MAPK10: variants seen among roughly 807,000 people sequenced by gnomAD.
MAPK10 encodes the protein mitogen-activated protein kinase 10.
In MAPK10, 25 loss-of-function variants were observed where a neutral mutation model predicts 59.3. That is an observed-to-expected ratio of 0.42 (90% CI 0.31 to 0.59). The LOEUF (loss-of-function observed/expected upper bound fraction) is 0.59. Among genes scored for constraint, MAPK10 ranks in the 20% least tolerant of loss-of-function variants. The probability of loss-of-function intolerance (pLI) is 0.15; values close to 1 mark genes in which losing one functional copy is unlikely to be tolerated. For missense variants in MAPK10, 351 were observed against 568.9 expected (o/e 0.62, Z 3.90); for synonymous variants, 190 against 200.5 (o/e 0.95, Z 0.44).
rs755872209 is a variant in MAPK10, at chr4:86,280,160, G to A, written c.-7+74370C>T. On this transcript the variant is annotated intron_variant, in intron 2 of 13. Coordinates refer to ENST00000641462, the MANE Select transcript of MAPK10 (RefSeq NM_138982.4). Reference sequence around the variant, plus strand: ...AGCAGAGCAAAAGAAACTATCAATAGAGTAAACAGACAACTTACAAAATAG... The same window carrying A: ...AGCAGAGCAAAAGAAACTATCAATAAAGTAAACAGACAACTTACAAAATAG... 4.6e-5 allele frequency among the ~76,000 whole-genome samples: 7 copies of A among 152,226 alleles called. No homozygotes were observed. In the South Asian group the frequency reaches 1.4e-3, roughly 32 times the overall value.
intron 1 of MAPK10, among the ~76,000 whole-genome samples, chr4:86,519,331 T>C (rs1433323556): frequency 6.6e-6 from 1 of 152,222 alleles, no homozygotes; most frequent in African/African-American, 2.4e-5. Context: ...GAATGTGATA[T>C]TTTCCTGTTG....
intron 1 of MAPK10, among the ~76,000 whole-genome samples, chr4:86,371,123 A>G (rs1738688844): frequency 6.6e-6 from 1 of 152,264 alleles, no homozygotes; most frequent in Non-Finnish European, 1.5e-5. Context: ...ATTCACTGCT[A>G]AAGTCAGTTC....
intron 1 of MAPK10, among the ~76,000 whole-genome samples, chr4:86,460,622 C>T (rs113430389): frequency 0.012 from 1,835 of 152,302 alleles, 13 homozygotes; most frequent in Non-Finnish European, 0.017. Context: ...ATGGCCATGA[C>T]GCCCACGCTG....
intron 2 of MAPK10, among the ~76,000 whole-genome samples, chr4:86,250,860 C>G (rs2093375692): frequency 6.6e-6 from 1 of 152,156 alleles, no homozygotes; most frequent in Non-Finnish European, 1.5e-5. Flanking sequence ...GACAGATTGA[C>G]TCTAGGAGAA....
At chr4:86,022,322 A>C (rs1289413484) in intron 13 of MAPK10, among the ~76,000 whole-genome samples, 1 of 152,066 alleles carries the variant, frequency 6.6e-6, no homozygotes, top group African/African-American at 2.4e-5. Flanking sequence ...TTGTGGTTTG[A>C]TTTGCATTTG....
chr4:86,028,962 A>T (rs1432668930), intron 13 of MAPK10: 1 of 550,488 alleles, frequency 1.8e-6, no homozygotes, highest in African/African-American at 1.9e-5. Context: ...ATTCATTACT[A>T]TTAAAATTAT....
chr4:86,265,237 G>A (rs1010205418), intron 2 of MAPK10, among the ~76,000 whole-genome samples: 4 of 152,092 alleles, frequency 2.6e-5, no homozygotes, highest in Admixed American at 2.0e-4. Context: ...GATATGGGCC[G>A]GACACAGTGG....
chr4:86,428,607 T>G (rs529411466), intron 1 of MAPK10, among the ~76,000 whole-genome samples: 1 of 152,312 alleles, frequency 6.6e-6, no homozygotes, highest in Non-Finnish European at 1.5e-5. Flanking sequence ...TAGACAACTT[T>G]TCTCATTTTT....
At position 86,013,352 on chromosome 4, in the gene MAPK10, T is replaced by G. The variant is rs918909635; in HGVS notation, c.*3876A>C. The G allele has an allele frequency of 2.6e-5, 4 of 152,112 alleles. No homozygotes were observed. Among genetic ancestry groups the G allele is most frequent in the Non-Finnish European group, 1.5e-5 (1 of 68,018 alleles). 9.4% of individuals were successfully genotyped at this position (152,112 alleles called of 1,614,324 possible). ...TAAAATGTGTGTGGGGGATTGTGAG[T>G]GGGGAGTTGGGTTCCTCTTTGGATG... On this transcript the variant is annotated 3_prime_UTR_variant, in exon 14 of 14. Transcript: ENST00000641462.
intron 1 of MAPK10, among the ~76,000 whole-genome samples, chr4:86,557,407 A>T (rs1243450939): frequency 6.6e-6 from 1 of 151,056 alleles, no homozygotes; most frequent in Non-Finnish European, 1.5e-5. Context: ...AAGACTACTG[A>T]CTGTCACTAA....
chr4:86,074,983 G>C (rs926392805), intron 9 of MAPK10, among the ~76,000 whole-genome samples: 1 of 146,198 alleles, frequency 6.8e-6, no homozygotes, highest in African/African-American at 2.6e-5. Flanking sequence ...ATATCCTGCA[G>C]AGTGTTTTCC....
chr4:86,150,636 C>A (rs1234870130), intron 4 of MAPK10, among the ~76,000 whole-genome samples: 1 of 152,030 alleles, frequency 6.6e-6, no homozygotes, highest in Admixed American at 6.5e-5. Context: ...CCGAGACGGG[C>A]AGATCACGAG....
chr4:86,409,880 G>C (rs189293522), intron 1 of MAPK10, among the ~76,000 whole-genome samples: 2 of 152,230 alleles, frequency 1.3e-5, no homozygotes, highest in South Asian at 2.1e-4. Context: ...TTTCCTAATT[G>C]AATACCTTTA....
chr4:86,088,222 C>G (rs189623058), intron 9 of MAPK10, among the ~76,000 whole-genome samples: 13 of 152,292 alleles, frequency 8.5e-5, no homozygotes, highest in Admixed American at 5.9e-4. Flanking sequence ...CTGTTGCCTA[C>G]CTAGGCTGCA....
intron 3 of MAPK10, among the ~76,000 whole-genome samples, chr4:86,180,189 T>G (rs951629404): frequency 6.6e-6 from 1 of 151,974 alleles, no homozygotes; most frequent in Non-Finnish European, 1.5e-5. Context: ...CAGACATGTC[T>G]CAAAAGAAGA....
At position 86,358,307 on chromosome 4, in the gene MAPK10, C is replaced by T. The variant is rs769248320; in HGVS notation, c.-122+1351G>A. ...GCATTCTGTGTTATCTTCCAGGGTC[C>T]GACAACTAGCCGATGAGGGATAGAA... On this transcript the variant is annotated intron_variant, in intron 1 of 13. Coordinates refer to ENST00000641462, the MANE Select transcript of MAPK10 (RefSeq NM_138982.4). The T allele has an allele frequency of 3.1e-4, 301 of 985,172 alleles. 1 individual carries two copies. The highest frequency in any genetic ancestry group is 3.3e-4 in the Non-Finnish European group (273 of 829,880). 61.0% of individuals were successfully genotyped at this position (985,172 alleles called of 1,614,324 possible).
intron 10 of MAPK10, among the ~76,000 whole-genome samples, chr4:86,066,724 T>C (rs1463437024): frequency 1.7e-5 from 2 of 119,582 alleles, no homozygotes; most frequent in Non-Finnish European, 3.2e-5. Flanking sequence ...TAGATCGGTA[T>C]CCCGGGCGAC....
At chr4:86,234,128 A>G (rs940343595) in intron 2 of MAPK10, among the ~76,000 whole-genome samples, 6 of 152,220 alleles carry the variant, frequency 3.9e-5, no homozygotes, top group South Asian at 4.1e-4. Flanking sequence ...AGAATGGATT[A>G]GCTAAGAGAC....
chr4:86,281,692 T>C (rs1159196621), intron 2 of MAPK10, among the ~76,000 whole-genome samples: 5 of 152,228 alleles, frequency 3.3e-5, no homozygotes, highest in East Asian at 1.9e-4. Flanking sequence ...GAATGTTGGC[T>C]CCTTGAGGAA....
Sources: gnomAD v4.1 joint callset for allele counts (sites outside exome capture counted in the v4.1 genomes callset) on GRCh38, gnomAD v4.1.1 for gene constraint, MANE v1.5 for transcripts, NCBI Gene and HGNC (gene_info 2026-07-23, HGNC 2026-07-21) for gene names.